CFAP92: variants seen among roughly 807,000 people sequenced by gnomAD.
CFAP92 encodes uncharacterized protein CFAP92.
A neutral mutation model predicts 106.3 loss-of-function variants in CFAP92; 86 were observed. That is an observed-to-expected ratio of 0.81 (90% CI 0.68 to 0.97). The LOEUF (loss-of-function observed/expected upper bound fraction) is 0.97, where lower values mean the gene tolerates loss of function less well. Ranked by LOEUF, CFAP92 falls within the 50% of genes least tolerant of loss-of-function variation. The pLI, the probability that CFAP92 is intolerant of heterozygous loss-of-function variation, is 0.00. For missense variants in CFAP92, 1,204 were observed against 1,283.8 expected (o/e 0.94, Z 0.95); for synonymous variants, 477 against 506.4 (o/e 0.94, Z 0.78).
At position 128,977,047 on chromosome 3, in the gene CFAP92, G is replaced by A. The variant is rs904738578; in HGVS notation, c.828C>T (p.Pro276=). The part of the protein sequence containing the change: ...KSLQGSHQAE[P]ETSSKNSEEY... ...CCTCACTGTTCTTGGAAGAAGTTTC[G>A]GGCTCTGCTTGGTGAGAACCTGAAA... Residue 276 remains proline (P), a synonymous_variant, in exon 6 of 16, where the codon CCC becomes CCT. Transcript: ENST00000645291. 12 of 1,613,534 alleles carry A rather than the reference G, an allele frequency of 7.4e-6. No homozygotes were observed. Among genetic ancestry groups the A allele is most frequent in the Middle Eastern group, 1.6e-4 (1 of 6,084 alleles).
At chr3:128,971,870 C>A (rs16852754) in intron 7 of CFAP92, among the ~76,000 whole-genome samples, 5,944 of 152,212 alleles carry the variant, frequency 0.039, 297 homozygotes, top group African/African-American at 0.11. Flanking sequence ...GGCAACAGCA[C>A]CTGCCTTCTA....
rs73210695 is a variant in CFAP92, at chr3:129,000,849, C to T, written n.117+1725G>A. Among the ~76,000 whole-genome samples the T allele has an allele frequency of 6.7e-3, 1,023 of 152,280 alleles. 2 individuals are homozygous for T. Among genetic ancestry groups the T allele is most frequent in the Non-Finnish European group, 0.011 (745 of 68,028 alleles). On this transcript the variant is annotated intron_variant and non_coding_transcript_variant, in intron 1 of 4. Transcript: ENST00000510149. The stretch of plus-strand genomic sequence containing the variant: ...ACCCCCAACAGGGATCGGGAGAGAG[C>T]AGTTAGCACAGGGCTCGTCTCAGAT...
chr3:128,992,388 C>A (rs527906351), intron 2 of CFAP92, among the ~76,000 whole-genome samples: 8 of 151,952 alleles, frequency 5.3e-5, no homozygotes, highest in African/African-American at 1.9e-4. Flanking sequence ...ATGGTGAAAC[C>A]CAGTCTCTAC....
At chr3:128,918,042 A>G (rs776098385) in intron 12 of CFAP92, among the ~76,000 whole-genome samples, 4 of 152,264 alleles carry the variant, frequency 2.6e-5, no homozygotes, top group Non-Finnish European at 4.4e-5. Context: ...ACCTGTAAAG[A>G]AAAACTATCA....
At position 128,945,736 on chromosome 3, in the gene CFAP92, G is replaced by A; in HGVS notation, c.1593C>T (p.Asp531=). The A allele has an allele frequency of 6.5e-7, 1 of 1,535,902 alleles. No homozygotes were observed. The highest frequency in any genetic ancestry group is 8.7e-7 in the Non-Finnish European group (1 of 1,146,824). The change falls in exon 10 of 16, where the codon GAC becomes GAT. Residue 531 remains aspartate, a synonymous_variant. Coordinates refer to ENST00000645291, the MANE Select transcript of CFAP92 (RefSeq NM_001394090.1). The part of the protein sequence containing the change: ...CSQKPVLFGE[D]PLDSYLNFQA... ...GGAAGTTGAGGTATGAATCCAGAGGGTCCTCCCCAAACAGCACGGGCTTCT... is the reference window on the plus strand; with the variant it reads ...GGAAGTTGAGGTATGAATCCAGAGGATCCTCCCCAAACAGCACGGGCTTCT...
the CFAP92 span, among the ~76,000 whole-genome samples, chr3:129,013,818 A>T: frequency 1.3e-5 from 2 of 152,350 alleles, no homozygotes; most frequent in African/African-American, 4.8e-5. Flanking sequence ...TCCAAAGAAC[A>T]GTAGTCAGGG....
At chr3:128,978,496 A>G (rs892166052) in intron 4 of CFAP92, among the ~76,000 whole-genome samples, 6 of 152,168 alleles carry the variant, frequency 3.9e-5, no homozygotes, top group African/African-American at 1.4e-4. Context: ...GAGAGGCTGA[A>G]TTGGGAGGAC....
Position 128,978,102 on chromosome 3 carries a change from G to T in CFAP92, c.751C>A (p.Gln251Lys). 1 of 1,613,922 alleles carries T rather than the reference G, an allele frequency of 6.2e-7. No homozygotes were observed. The highest frequency in any genetic ancestry group is 8.5e-7 in the Non-Finnish European group (1 of 1,179,876). The change falls in exon 5 of 16, where the codon CAG becomes AAG. Residue 251 changes from glutamine to lysine, a missense_variant. Coordinates refer to ENST00000645291, the MANE Select transcript of CFAP92 (RefSeq NM_001394090.1). The stretch of plus-strand genomic sequence containing the variant: ...TCTTGTTTTCCTGGCGGATGTTCCT[G>T]GTTCGACTCTTCTCTGACAATGTTG... ...NTNIVREESN[Q>K]EHPPGKQEKT...
intron 2 of CFAP92, among the ~76,000 whole-genome samples, chr3:128,991,070 A>G (rs1203647061): frequency 6.6e-6 from 1 of 152,208 alleles, no homozygotes; most frequent in Non-Finnish European, 1.5e-5. Flanking sequence ...GGTCTCATGA[A>G]GTTTTGCCCC....
rs1197869555 is a variant in CFAP92, at chr3:128,953,567, GTCTCCCTCTCCC to G, written c.1354-7604_1354-7593del. On this transcript the variant is annotated intron_variant, in intron 9 of 15. Coordinates refer to ENST00000645291, the MANE Select transcript of CFAP92 (RefSeq NM_001394090.1). ...CACTCGCTTAAGAAGCAGCAACACG[GTCTCCCTCTCCC>G]TCTCCCTCTCCCTCTCCCTCCCCCT... Among the ~76,000 whole-genome samples the G allele has an allele frequency of 3.9e-4, 48 of 121,916 alleles. 3 individuals carry two copies. Among genetic ancestry groups the G allele is most frequent in the African/African-American group, 1.3e-3 (36 of 28,504 alleles). 80.0% of individuals were successfully genotyped at this position (121,916 alleles called of 152,430 possible).
At chr3:128,965,302 T>A (rs918498876) in intron 9 of CFAP92, among the ~76,000 whole-genome samples, 3 of 152,120 alleles carry the variant, frequency 2.0e-5, no homozygotes, top group African/African-American at 7.2e-5. Context: ...TTGCTGACTC[T>A]CTTTTCGGAC....
At chr3:129,001,812 G>A (rs1400542202) in intron 1 of CFAP92, 7 of 1,545,552 alleles carry the variant, frequency 4.5e-6, no homozygotes, top group Non-Finnish European at 6.1e-6. Context: ...CCTGCAGGAG[G>A]TCTTCCACCA....
At chr3:128,959,762 C>T (rs1941735414) in intron 9 of CFAP92, among the ~76,000 whole-genome samples, 2 of 152,326 alleles carry the variant, frequency 1.3e-5, no homozygotes, top group South Asian at 4.1e-4. Flanking sequence ...TCCCAGGAAC[C>T]CCATCTCTTT....
intron 12 of CFAP92, among the ~76,000 whole-genome samples, chr3:128,927,159 G>A (rs1355511700): frequency 6.6e-6 from 1 of 152,074 alleles, no homozygotes; most frequent in Non-Finnish European, 1.5e-5. Flanking sequence ...GATCATATGA[G>A]TACGCAGCAA....
intron 2 of CFAP92, among the ~76,000 whole-genome samples, chr3:128,990,659 G>C (rs895931481): frequency 6.6e-6 from 1 of 152,126 alleles, no homozygotes; most frequent in Non-Finnish European, 1.5e-5. Context: ...GTTTTGGAAA[G>C]CCAAGGCGGG....
At chr3:129,000,424 AT>A (rs749517015) in intron 1 of CFAP92, among the ~76,000 whole-genome samples, 59 of 152,258 alleles carry the variant, frequency 3.9e-4, no homozygotes, top group South Asian at 1.0e-3. Context: ...AAACGGCAAG[AT>A]TTTACATTTA....
the CFAP92 span, among the ~76,000 whole-genome samples, chr3:129,009,451 T>C: frequency 6.6e-6 from 1 of 152,178 alleles, no homozygotes; most frequent in African/African-American, 2.4e-5. Context: ...AGACCATCTG[T>C]CATCTGAACC....
In CFAP92 at chr3:128,910,080, T is replaced by A; in HGVS notation, c.*219A>T. 1 of 1,614,068 alleles carries A rather than the reference T, an allele frequency of 6.2e-7. No individual in the cohort carries two copies. On this transcript the variant is annotated 3_prime_UTR_variant, in exon 16 of 16. Coordinates refer to ENST00000645291, the MANE Select transcript of CFAP92 (RefSeq NM_001394090.1). ...TGGCCAACATCCTCATCAACCTGTA[T>A]GGCATGACGGCCGTGCTGTCGCGGG...
rs146518015 is a variant in CFAP92, at chr3:128,912,829, GGA to G, written c.3280+2288_3280+2289del. On this transcript the variant is annotated intron_variant, in intron 15 of 15. Transcript: ENST00000645291. ...ACCATCACAGCTTCTGAACTGAGCC[GGA>G]GAGAGAGAATGGAATTGCTGACCCC... is the stretch of plus-strand genomic sequence containing the variant. The G allele has an allele frequency of 0.044, 30,537 of 694,942 alleles. 935 individuals are homozygous for G. The highest frequency in any genetic ancestry group is 0.057 in the Non-Finnish European group (21,228 of 373,472). The allele number at this position is 694,942 out of a possible 1,614,324, so 43.0% of individuals were successfully genotyped here. A position where few individuals can be genotyped will look rare whatever the true frequency, so the allele number is the denominator to read the frequency against.
Sources: allele counts gnomAD v4.1 joint callset (sites outside exome capture counted in the v4.1 genomes callset), GRCh38; gene constraint gnomAD v4.1.1; transcripts MANE v1.5; gene names NCBI Gene and HGNC (gene_info 2026-07-23, HGNC 2026-07-21).